Variants in CDYL2 observed in about 807,000 individuals in gnomAD.
CDYL2 encodes the protein chromodomain Y like 2.
Under a neutral mutation model 49.4 loss-of-function variants are expected in CDYL2, and 23 were observed. That is an observed-to-expected ratio of 0.47 (90% CI 0.34 to 0.66). CDYL2 has a LOEUF of 0.66. Ranked by LOEUF, CDYL2 falls within the 30% of genes least tolerant of loss-of-function variation. The pLI is 0.01. For synonymous variants in CDYL2, 360 were observed against 268.8 expected (o/e 1.34, Z -3.32); for missense variants, 678 against 656.4 (o/e 1.03, Z -0.36).
intron 1 of CDYL2, among the ~76,000 whole-genome samples, chr16:80,803,768 G>T (rs1430543974): frequency 1.4e-5 from 2 of 139,064 alleles, no homozygotes; most frequent in African/African-American, 2.6e-5. Context: ...GTCCGGCGCC[G>T]ACTTTTACCT....
chr16:80,718,181 CA>C (rs1276866991), intron 1 of CDYL2, among the ~76,000 whole-genome samples: 5 of 152,178 alleles, frequency 3.3e-5, no homozygotes, highest in African/African-American at 9.7e-5. Flanking sequence ...TCTGCTATAC[CA>C]GGCTGCATAG....
At chr16:80,753,818 G>A (rs879624921) in intron 1 of CDYL2, among the ~76,000 whole-genome samples, 6 of 152,122 alleles carry the variant, frequency 3.9e-5, no homozygotes, top group South Asian at 2.1e-4. Context: ...TCTGCTTATC[G>A]AAAGACACAA....
rs1277128910 is a variant in CDYL2 at position 80,608,049 on chromosome 16, G to T, written c.1362+43C>A. The stretch of plus-strand genomic sequence containing the variant: ...CCTTGCTGTCTTCATGTGTAAAATG[G>T]GTCTATCAAAAGGACAAGCACGCAG... On this transcript the variant is annotated intron_variant, in intron 6 of 6. Coordinates refer to ENST00000570137, the MANE Select transcript of CDYL2 (RefSeq NM_152342.4). 6 of 1,522,700 alleles carry T rather than the reference G, an allele frequency of 3.9e-6. No individual in the cohort carries two copies. In the Admixed American group the frequency reaches 1.2e-4, roughly 31 times the overall value. The allele number at this position is 1,522,700 out of a possible 1,614,324, so 94.3% of individuals were successfully genotyped here.
At chr16:80,626,712 G>C (rs918071701) in intron 3 of CDYL2, among the ~76,000 whole-genome samples, 3 of 152,288 alleles carry the variant, frequency 2.0e-5, no homozygotes, top group African/African-American at 7.2e-5. Context: ...ACTTCCAAAG[G>C]ATCACTATTA....
intron 5 of CDYL2, 133 bp from the exon 6 acceptor site, chr16:80,608,368 T>C: frequency 1.0e-6 from 1 of 987,188 alleles, no homozygotes; most frequent in Non-Finnish European, 1.4e-6. Context: ...TATCTTATTT[T>C]GGGGTCAGAT....
At chr16:80,666,695 C>A (rs1264876796) in intron 2 of CDYL2, among the ~76,000 whole-genome samples, 1 of 152,168 alleles carries the variant, frequency 6.6e-6, no homozygotes, top group Non-Finnish European at 1.5e-5. Flanking sequence ...GTGAAGCCAA[C>A]ACCCAGGACA....
Position 80,710,638 on chromosome 16 carries a change from A to G in CDYL2, c.25-25509T>C, listed in dbSNP as rs1487718917. On this transcript the variant is annotated intron_variant, in intron 1 of 6. Coordinates refer to ENST00000570137, the MANE Select transcript of CDYL2 (RefSeq NM_152342.4). ...TAAACAGGTTAACTGTATGAAAACA[A>G]GGACACAGAGGACAATAATGATTTT... 2.0e-5 allele frequency among the ~76,000 whole-genome samples: 3 copies of G among 152,342 alleles called. No individual in the cohort carries two copies. The East Asian group carries it at 5.8e-4, about 29-fold the overall frequency.
In CDYL2 at chr16:80,683,222, G is replaced by A. The variant is rs117937520; in HGVS notation, c.616+1316C>T. 7.7e-4 allele frequency among the ~76,000 whole-genome samples: 117 copies of A among 152,322 alleles called. 2 individuals carry two copies. The East Asian group carries it at 0.022, about 28-fold the overall frequency. The stretch of plus-strand genomic sequence containing the variant: ...GGGAATCTGATGGCCCTGCCCTGTT[G>A]GGCAATGGTTGTCCACACTCCTGTA... On this transcript the variant is annotated intron_variant, in intron 2 of 6. Coordinates refer to ENST00000570137, the MANE Select transcript of CDYL2 (RefSeq NM_152342.4).
At chr16:80,737,259 A>G (rs1463932963) in intron 1 of CDYL2, among the ~76,000 whole-genome samples, 1 of 152,088 alleles carries the variant, frequency 6.6e-6, no homozygotes, top group Admixed American at 6.5e-5. Context: ...TTTGCAGAGG[A>G]TGGATTTGCT....
intron 1 of CDYL2, among the ~76,000 whole-genome samples, chr16:80,736,883 G>A (rs1041237982): frequency 3.9e-5 from 6 of 152,096 alleles, no homozygotes; most frequent in African/African-American, 7.2e-5. Flanking sequence ...ACTTGCACAT[G>A]GATTTATTAT....
chr16:80,725,574 A>G (rs1195642156), intron 1 of CDYL2, among the ~76,000 whole-genome samples: 2 of 152,198 alleles, frequency 1.3e-5, no homozygotes, highest in East Asian at 1.9e-4. Context: ...CTCAGTCCAC[A>G]TATTTCAAAT....
At chr16:80,790,829 C>T (rs1223900601) in intron 1 of CDYL2, among the ~76,000 whole-genome samples, 3 of 152,234 alleles carry the variant, frequency 2.0e-5, no homozygotes, top group Admixed American at 1.3e-4. Context: ...GCCTCCCTGC[C>T]GTCCTCTGCT....
Position 80,608,244 on chromosome 16 carries a change from G to A in CDYL2, c.1219-9C>T. 1.3e-6 allele frequency: 2 copies of A among 1,553,910 alleles called. No individual in the cohort carries two copies. The highest frequency in any genetic ancestry group is 1.7e-6 in the Non-Finnish European group (2 of 1,147,738). ...AACAGCATCTCATTGGCCTGAAAAA[G>A]CAAAAGCAGGCAAAGACTGAGGGCC... On this transcript the variant is annotated splice_polypyrimidine_tract_variant and intron_variant, in intron 5 of 6. Transcript: ENST00000570137.
At chr16:80,726,209 T>A (rs979045503) in intron 1 of CDYL2, among the ~76,000 whole-genome samples, 1 of 152,184 alleles carries the variant, frequency 6.6e-6, no homozygotes, top group Non-Finnish European at 1.5e-5. Flanking sequence ...ATTTTCCACA[T>A]ACATGTTGCA....
chr16:80,638,643 T>TGATAGACGACCCAGAAATA (rs1907947171), intron 2 of CDYL2, among the ~76,000 whole-genome samples: 1 of 151,980 alleles, frequency 6.6e-6, no homozygotes, highest in Non-Finnish European at 1.5e-5. Context: ...CAGTGGTATA[T>TGATAGACGACCCAGAAATA]GATAGACGAC....
intron 1 of CDYL2, among the ~76,000 whole-genome samples, chr16:80,718,193 G>A (rs889495980): frequency 2.6e-5 from 4 of 151,942 alleles, no homozygotes; most frequent in African/African-American, 7.3e-5. Flanking sequence ...GGCTGCATAG[G>A]GAGTGAGAAG....
chr16:80,620,573 A>T (rs1907033316), intron 4 of CDYL2, among the ~76,000 whole-genome samples, 190 bp downstream of exon 4: 1 of 152,254 alleles, frequency 6.6e-6, no homozygotes, highest in Non-Finnish European at 1.5e-5. Context: ...ATGCCCAATT[A>T]AAATTTGAAT....
chr16:80,607,876 G>C (rs1167041302), intron 6 of CDYL2, among the ~76,000 whole-genome samples: 1 of 152,214 alleles, frequency 6.6e-6, no homozygotes, highest in East Asian at 1.9e-4. Context: ...AGGTTTCTCT[G>C]CCTGGAGATG....
At chr16:80,725,762 C>T (rs139663741) in intron 1 of CDYL2, among the ~76,000 whole-genome samples, 25 of 152,340 alleles carry the variant, frequency 1.6e-4, no homozygotes, top group Admixed American at 1.2e-3. Context: ...GTGTGAGTAA[C>T]GCGCTTTAGC....
Sources: allele counts gnomAD v4.1 joint callset (sites outside exome capture counted in the v4.1 genomes callset), GRCh38; gene constraint gnomAD v4.1.1; transcripts MANE v1.5; gene names NCBI Gene and HGNC (gene_info 2026-07-23, HGNC 2026-07-21).